Variants in DPP6 observed in about 807,000 individuals in gnomAD.
The protein encoded by DPP6 is A-type potassium channel modulatory protein DPP6.
DPP6 carries 69 observed loss-of-function variants against 122.6 expected under a neutral mutation model. That is an observed-to-expected ratio of 0.56 (90% CI 0.46 to 0.69). The LOEUF is 0.69. DPP6 is among the 30% of genes least tolerant of loss of function. DPP6 has a pLI of 0.00. For missense variants in DPP6, 928 were observed against 1,116.9 expected, an observed-to-expected ratio of 0.83 and a Z score of 2.41; for synonymous variants, 418 against 433.1, an observed-to-expected ratio of 0.97 and a Z score of 0.43.
chr7:153,994,768 A>G (rs1226009438), intron 1 of DPP6, among the ~76,000 whole-genome samples: 1 of 151,932 alleles, frequency 6.6e-6, no homozygotes, highest in Non-Finnish European at 1.5e-5. Flanking sequence ...ATATTGACTT[A>G]AGGTATAAAT....
At chr7:154,262,469 G>C (rs1006352151) in intron 1 of DPP6, among the ~76,000 whole-genome samples, 3 of 152,046 alleles carry the variant, frequency 2.0e-5, no homozygotes, top group African/African-American at 7.2e-5. Context: ...CAGTGAGAAG[G>C]TGCCGTCTGC....
At chr7:153,799,063 G>A in the DPP6 span, among the ~76,000 whole-genome samples, 15 of 152,334 alleles carry the variant, frequency 9.8e-5, no homozygotes, top group South Asian at 2.9e-3. Flanking sequence ...TCCTCTAGGA[G>A]GTGTGCGGCC....
Position 154,098,073 on chromosome 7 carries a change from A to G in DPP6, c.243+45010A>G, listed in dbSNP as rs560013160. Among the ~76,000 whole-genome samples, 317 of 152,268 alleles carry G rather than the reference A, an allele frequency of 2.1e-3. 3 individuals carry two copies. Among genetic ancestry groups the G allele is most frequent in the African/African-American group, 7.4e-3 (306 of 41,538 alleles). ...ATGGTTCTGCTGTGTCCCCACCCAA[A>G]TCTCACCTTGAATTGTAGCTCCCAT... On this transcript the variant is annotated intron_variant, in intron 1 of 25. Coordinates refer to ENST00000377770, the MANE Select transcript of DPP6 (RefSeq NM_130797.4).
intron 4 of DPP6, among the ~76,000 whole-genome samples, chr7:154,555,109 C>T (rs1303519869): frequency 6.6e-6 from 1 of 152,084 alleles, no homozygotes; most frequent in African/African-American, 2.4e-5. Flanking sequence ...CAAGAATACT[C>T]ACCATCACCA....
intron 2 of DPP6, among the ~76,000 whole-genome samples, chr7:154,450,549 G>A (rs1180629415): frequency 7.4e-6 from 1 of 134,858 alleles, no homozygotes; most frequent in Non-Finnish European, 1.5e-5. Flanking sequence ...TAACTCCAAA[G>A]AGGCTTCAGG....
At chr7:154,063,435 C>T (rs1330416349) in intron 1 of DPP6, among the ~76,000 whole-genome samples, 8 of 123,716 alleles carry the variant, frequency 6.5e-5, no homozygotes, top group South Asian at 3.0e-4. Flanking sequence ...GTACCCCCAT[C>T]GCAAGGGGGG....
At chr7:153,815,324 CAT>C in the DPP6 span, among the ~76,000 whole-genome samples, 356 of 152,168 alleles carry the variant, frequency 2.3e-3, 4 homozygotes, top group African/African-American at 7.9e-3. Flanking sequence ...AACAGACAAA[CAT>C]ATAAACGCTG....
At chr7:154,150,744 A>G (rs985774187) in intron 1 of DPP6, among the ~76,000 whole-genome samples, 1 of 152,218 alleles carries the variant, frequency 6.6e-6, no homozygotes, top group African/African-American at 2.4e-5. Flanking sequence ...CGGGTCCTCC[A>G]TGTCACCCCC....
chr7:154,419,673 CT>C (rs1817298979), intron 1 of DPP6, among the ~76,000 whole-genome samples: 1 of 152,194 alleles, frequency 6.6e-6, no homozygotes, highest in African/African-American at 2.4e-5. Flanking sequence ...CTGGTGAACG[CT>C]GTCTGGATAG....
chr7:153,960,835 C>T (rs61434823), intron 1 of DPP6, among the ~76,000 whole-genome samples: 108,720 of 147,604 alleles, frequency 0.74, 40,523 homozygotes, highest in East Asian at 1. Flanking sequence ...ATATCACTGC[C>T]TGAGGACATG....
the DPP6 span, among the ~76,000 whole-genome samples, chr7:153,849,548 T>C: frequency 6.6e-6 from 1 of 152,326 alleles, no homozygotes; most frequent in Non-Finnish European, 1.5e-5. Context: ...GTTAATATTT[T>C]ATCCATCTTT....
At chr7:154,776,517 G>A (rs112863772) in intron 10 of DPP6, among the ~76,000 whole-genome samples, 3 of 151,958 alleles carry the variant, frequency 2.0e-5, no homozygotes, top group Non-Finnish European at 4.4e-5. Flanking sequence ...TTTTTAAATT[G>A]TTTCATTTTC....
chr7:154,161,108 G>T (rs1000089253), intron 1 of DPP6, among the ~76,000 whole-genome samples: 2 of 152,196 alleles, frequency 1.3e-5, no homozygotes, highest in African/African-American at 4.8e-5. Flanking sequence ...TTATATAATA[G>T]ATATATCCAA....
intron 2 of DPP6, among the ~76,000 whole-genome samples, chr7:154,467,721 T>C (rs1165614992): frequency 6.6e-6 from 1 of 152,246 alleles, no homozygotes; most frequent in African/African-American, 2.4e-5. Context: ...GCAATGTTTC[T>C]ACAGATATAA....
chr7:154,557,363 A>G (rs1264548318), intron 4 of DPP6, among the ~76,000 whole-genome samples: 2 of 152,138 alleles, frequency 1.3e-5, no homozygotes, highest in Non-Finnish European at 2.9e-5. Context: ...ACCCGGACTA[A>G]TTTCTAAGTG....
chr7:154,892,362 C>T lies in DPP6; in HGVS notation c.2480C>T (p.Thr827Ile). ...QIYPDESHYF[T>I]SSSLKQHLYR... ...TACCCGGACGAAAGCCATTACTTTA[C>T]CAGCTCCAGCCTCAAACAGCATCTG... The change falls in exon 26 of 26, where the codon ACC becomes ATC. Residue 827 changes from threonine (T) to isoleucine (I), a missense_variant. By Grantham distance (89) the Thr-to-Ile change is moderately conservative. Coordinates refer to ENST00000377770, the MANE Select transcript of DPP6 (RefSeq NM_130797.4). 1 of 1,614,036 alleles carries T rather than the reference C, an allele frequency of 6.2e-7. No homozygotes were observed.
At chr7:154,708,257 T>G (rs1200392111) in intron 7 of DPP6, among the ~76,000 whole-genome samples, 3 of 152,232 alleles carry the variant, frequency 2.0e-5, no homozygotes, top group Non-Finnish European at 4.4e-5. Context: ...ACCATCAGTT[T>G]CTGTATACAA....
chr7:154,597,514 G>A (rs1309062169), intron 5 of DPP6, among the ~76,000 whole-genome samples: 3 of 152,044 alleles, frequency 2.0e-5, no homozygotes, highest in Non-Finnish European at 4.4e-5. Context: ...TCAGGAGGCT[G>A]AGGCAGGAGA....
rs1040521893 is a variant in DPP6, at chr7:154,568,192, G to A, written c.627+1276G>A. On this transcript the variant is annotated intron_variant, in intron 5 of 25. Transcript: ENST00000377770. ...TCAGGCACCTGGATGTGATGTTCAC[G>A]GGTCATAGACCATTTCAGCTTCCTT... is the stretch of plus-strand genomic sequence containing the variant. 3.3e-5 allele frequency among the ~76,000 whole-genome samples: 5 copies of A among 152,150 alleles called. No individual in the cohort carries two copies. In the South Asian group the frequency reaches 1.0e-3, roughly 32 times the overall value.
Sources: gnomAD v4.1 joint callset for allele counts (sites outside exome capture counted in the v4.1 genomes callset) on GRCh38, gnomAD v4.1.1 for gene constraint, MANE v1.5 for transcripts, NCBI Gene and HGNC (gene_info 2026-07-23, HGNC 2026-07-21) for gene names.